Variants in SPPL3 observed in about 807,000 individuals in gnomAD.
SPPL3 encodes signal peptide peptidase like 3.
A neutral mutation model predicts 42.4 loss-of-function variants in SPPL3; 5 were observed. The observed-to-expected ratio is 0.12, with a 90% CI of 0.06 to 0.25. SPPL3 has a LOEUF of 0.25. Ranked by LOEUF, SPPL3 falls within the 10% of genes least tolerant of loss-of-function variation. SPPL3 has a pLI of 1.00. For synonymous variants in SPPL3, 195 were observed against 181.8 expected, an observed-to-expected ratio of 1.07 and a Z score of -0.58; for missense variants, 235 against 489.0, an observed-to-expected ratio of 0.48 and a Z score of 4.90.
At chr12:120,872,058 C>T (rs1436583005) in intron 1 of SPPL3, among the ~76,000 whole-genome samples, 1 of 152,132 alleles carries the variant, frequency 6.6e-6, no homozygotes. Flanking sequence ...AAATTTAGAG[C>T]ACTTCAGATT....
intron 1 of SPPL3, among the ~76,000 whole-genome samples, chr12:120,822,765 G>A (rs1024984318): frequency 8.6e-5 from 13 of 151,944 alleles, no homozygotes; most frequent in East Asian, 7.7e-4. Flanking sequence ...CATATACCAC[G>A]GTCACCTCAA....
At chr12:120,861,625 G>C (rs553689192) in intron 1 of SPPL3, among the ~76,000 whole-genome samples, 2 of 152,222 alleles carry the variant, frequency 1.3e-5, no homozygotes, top group African/African-American at 2.4e-5. Flanking sequence ...TCCTAGCAGC[G>C]GACTGAGTCC....
At chr12:120,817,425 C>T (rs1164202651) in intron 1 of SPPL3, among the ~76,000 whole-genome samples, 2 of 152,162 alleles carry the variant, frequency 1.3e-5, no homozygotes, top group Non-Finnish European at 2.9e-5. Context: ...CACAGATGAC[C>T]CTGTTTCCAG....
At chr12:120,853,941 C>G (rs1872346838) in intron 1 of SPPL3, among the ~76,000 whole-genome samples, 1 of 149,836 alleles carries the variant, frequency 6.7e-6, no homozygotes, top group African/African-American at 2.5e-5. Context: ...AACCCAAAAC[C>G]ACATGAAAAC....
chr12:120,810,715 T>G lies in SPPL3; in HGVS notation c.101+94A>C. On this transcript the variant is annotated intron_variant, in intron 2 of 10. Coordinates refer to ENST00000353487, the MANE Select transcript of SPPL3 (RefSeq NM_139015.5). ...TCAAATCCTGCCGAAGTCCTGTTTT[T>G]CTTCACAGAGTAAGTTTTGGTACCA... is the stretch of plus-strand genomic sequence containing the variant. 4.3e-6 allele frequency: 4 copies of G among 941,088 alleles called. No homozygotes were observed. The South Asian group carries it at 6.2e-5, about 14-fold the overall frequency. The allele number at this position is 941,088 out of a possible 1,614,324, so 58.3% of individuals were successfully genotyped here. A position where few individuals can be genotyped will look rare whatever the true frequency, so the allele number is the denominator to read the frequency against.
chr12:120,842,022 C>T (rs1005619232), intron 1 of SPPL3, among the ~76,000 whole-genome samples: 2 of 152,124 alleles, frequency 1.3e-5, no homozygotes, highest in African/African-American at 2.4e-5. Flanking sequence ...CCATCATGCC[C>T]CAATATTTGT....
chr12:120,768,421 T>C lies in SPPL3; in HGVS notation c.677A>G (p.Asn226Ser). 6.2e-7 allele frequency: 1 copy of C among 1,614,092 alleles called. No homozygotes were observed. Among genetic ancestry groups the C allele is most frequent in the Non-Finnish European group, 8.5e-7 (1 of 1,180,004 alleles). ...MVKVATQPAD[N>S]PLDVLSRKLH... ...CTTCCGGGATAGAACGTCAAGGGGA[T>C]TGTCAGCCGGCTGAGTGGCCACCTT... is the stretch of plus-strand genomic sequence containing the variant. The change falls in exon 8 of 11, where the codon AAT (asparagine) becomes AGT (serine). Residue 226 changes from asparagine (N) to serine (S), a missense_variant. Asn to Ser is a conservative substitution (Grantham distance 46). Around this residue, in one of 6 missense-constraint regions of SPPL3, gnomAD observed 20 missense variants for 28.2 expected, o/e 0.71. Coordinates refer to ENST00000353487, the MANE Select transcript of SPPL3 (RefSeq NM_139015.5).
chr12:120,793,459 A>C (rs1316077982), intron 2 of SPPL3, among the ~76,000 whole-genome samples: 1 of 152,190 alleles, frequency 6.6e-6, no homozygotes, highest in African/African-American at 2.4e-5. Flanking sequence ...CTCCAGCCTG[A>C]GCAACAAAGT....
chr12:120,793,918 A>C (rs893666621), intron 2 of SPPL3, among the ~76,000 whole-genome samples: 1 of 152,202 alleles, frequency 6.6e-6, no homozygotes, highest in African/African-American at 2.4e-5. Flanking sequence ...AATTAGGTCA[A>C]ATTGATTAAG....
intron 1 of SPPL3, among the ~76,000 whole-genome samples, chr12:120,890,588 C>CAAAA (rs34253596): frequency 4.4e-5 from 4 of 91,424 alleles, no homozygotes; most frequent in African/African-American, 8.5e-5. Context: ...GACTCCGTCT[C>CAAAA]AAAAAAAAAA....
rs375922467 is a variant in SPPL3 at position 120,852,934 on chromosome 12, G to A, written c.24-42048C>T. On this transcript the variant is annotated intron_variant, in intron 1 of 10. Transcript: ENST00000353487. ...TTTAAGATGGATTTTCACTCTTGTC[G>A]CCCAGGCTGGAGTGCAGTGGTGCAT... Among the ~76,000 whole-genome samples, 30 of 125,380 alleles carry A rather than the reference G, an allele frequency of 2.4e-4. No individual in the cohort carries two copies. In the East Asian group the frequency reaches 3.7e-3, roughly 16 times the overall value. The allele number at this position is 125,380 out of a possible 152,430, so 82.3% of individuals were successfully genotyped here. A position where few individuals can be genotyped will look rare whatever the true frequency, so the allele number is the denominator to read the frequency against.
chr12:120,809,375 T>A (rs1870607505), intron 2 of SPPL3, among the ~76,000 whole-genome samples: 1 of 152,004 alleles, frequency 6.6e-6, no homozygotes. Context: ...AAACCTTTTA[T>A]CGGTGTATAC....
At chr12:120,850,492 TAAAA>T (rs11413210) in intron 1 of SPPL3, among the ~76,000 whole-genome samples, 20 of 119,386 alleles carry the variant, frequency 1.7e-4, no homozygotes, top group Admixed American at 3.5e-4. Flanking sequence ...GACCAGCCTT[TAAAA>T]AAAAAAAAAA....
chr12:120,807,101 T>C (rs1163549704), intron 2 of SPPL3, among the ~76,000 whole-genome samples: 1 of 152,048 alleles, frequency 6.6e-6, no homozygotes, highest in African/African-American at 2.4e-5. Context: ...GAGAGAGAAT[T>C]TTTGACTAGA....
chr12:120,765,053 C>T lies in SPPL3; in HGVS notation c.1101G>A (p.Met367Ile). 1 of 1,613,742 alleles carries T rather than the reference C, an allele frequency of 6.2e-7. No homozygotes were observed. The highest frequency in any genetic ancestry group is 8.5e-7 in the Non-Finnish European group (1 of 1,179,872). Residue 367 changes from methionine to isoleucine, a missense_variant, in exon 11 of 11, where the codon ATG (methionine) becomes ATA (isoleucine). Coordinates refer to ENST00000353487, the MANE Select transcript of SPPL3 (RefSeq NM_139015.5). ...MAYLKGDLRR[M>I]WSEPFHSKSS... ...ACTTGGAGTGGAAAGGCTCAGACCACATCCGCCGGAGGTCGCCCTGGGAAA... is the reference window on the plus strand; with the variant it reads ...ACTTGGAGTGGAAAGGCTCAGACCATATCCGCCGGAGGTCGCCCTGGGAAA...
chr12:120,768,562 C>A, intron 7 of SPPL3, 74 bp from the exon 8 acceptor site: 1 of 1,488,544 alleles, frequency 6.7e-7, no homozygotes, highest in South Asian at 1.3e-5. Flanking sequence ...CCTCCTTGCT[C>A]TTAAGAGCAG....
At chr12:120,887,279 T>C (rs1172931159) in intron 1 of SPPL3, among the ~76,000 whole-genome samples, 2 of 152,188 alleles carry the variant, frequency 1.3e-5, no homozygotes, top group Non-Finnish European at 2.9e-5. Context: ...AAAAAACTTT[T>C]TAATGTGGCT....
intron 1 of SPPL3, among the ~76,000 whole-genome samples, chr12:120,897,495 G>A (rs768582447): frequency 9.9e-5 from 15 of 152,110 alleles, no homozygotes; most frequent in African/African-American, 2.4e-4. Context: ...AGGCTGAGGC[G>A]GGTGGATCAT....
At chr12:120,853,951 CAAA>C (rs1235397103) in intron 1 of SPPL3, among the ~76,000 whole-genome samples, 13 of 147,150 alleles carry the variant, frequency 8.8e-5, no homozygotes, top group South Asian at 4.4e-4. Flanking sequence ...CACATGAAAA[CAAA>C]CACCACCACC....
Sources: allele counts gnomAD v4.1 joint callset (sites outside exome capture counted in the v4.1 genomes callset), GRCh38; gene constraint gnomAD v4.1.1; regional missense constraint gnomAD v4.1.1; transcripts MANE v1.5; gene names NCBI Gene and HGNC (gene_info 2026-07-23, HGNC 2026-07-21).